Variants in ZSWIM8 observed in about 807,000 individuals in gnomAD.
ZSWIM8 encodes the protein zinc finger SWIM-type containing 8, also known as zinc finger SWIM domain-containing protein 8.
ZSWIM8 carries 27 observed loss-of-function variants against 173.7 expected under a neutral mutation model. That is an observed-to-expected ratio of 0.16 (90% confidence interval 0.11 to 0.21). ZSWIM8 has a LOEUF of 0.21. Ranked by LOEUF, ZSWIM8 falls within the 10% of genes least tolerant of loss-of-function variation. The pLI is 1.00. For synonymous variants in ZSWIM8, 958 were observed against 962.0 expected (o/e 1.00, Z 0.08); for missense variants, 1,627 against 2,428.8 (o/e 0.67, Z 6.94).
At chr10:73,793,460 T>G in intron 10 of ZSWIM8, 128 bp from the exon 11 acceptor site, 1 of 1,015,972 alleles carries the variant, frequency 9.8e-7, no homozygotes, top group East Asian at 2.6e-5. Flanking sequence ...TAACCAGAGC[T>G]CCTATGGAGC....
At chr10:73,799,942 G>C in intron 21 of ZSWIM8, 69 bp from the exon 22 acceptor site, 1 of 1,508,960 alleles carries the variant, frequency 6.6e-7, no homozygotes, top group Non-Finnish European at 9.1e-7. Flanking sequence ...AGCAGCTTGT[G>C]GGGGTGAAGC....
At chr10:73,794,852 C>T (rs2083559069) in intron 14 of ZSWIM8, 1 of 361,416 alleles carries the variant, frequency 2.8e-6, no homozygotes, top group Non-Finnish European at 5.1e-6. Context: ...CTTTGGGAGG[C>T]TGAAGCAGGA....
At position 73,791,763 on chromosome 10, in the gene ZSWIM8, A is replaced by T; in HGVS notation, c.1320-96A>T. The T allele has an allele frequency of 7.0e-7, 1 of 1,419,568 alleles. No individual in the cohort carries two copies. The highest frequency in any genetic ancestry group is 9.3e-7 in the Non-Finnish European group (1 of 1,074,090). The allele number at this position is 1,419,568 out of a possible 1,614,324, so 87.9% of individuals were successfully genotyped here. A position where few individuals can be genotyped will look rare whatever the true frequency, so the allele number is the denominator to read the frequency against. On this transcript the variant is annotated intron_variant, in intron 9 of 25. Transcript: ENST00000604729. This position sits in a 1 kb window ranked among gnomAD's most constrained non-coding sequence, Gnocchi z 6.0. ...GCTGGGTCAAGAAGTACTTTCCTGT[A>T]TCCTTTCCCCATGCCTCTCTTTGGG...
At chr10:73,793,298 C>T (rs536494937) in intron 10 of ZSWIM8, among the ~76,000 whole-genome samples, 1 of 152,310 alleles carries the variant, frequency 6.6e-6, no homozygotes, top group Non-Finnish European at 1.5e-5. Context: ...CCGTGTTTCT[C>T]CTTCAGGTCT....
chr10:73,800,436 C>G lies in ZSWIM8; in HGVS notation c.4966C>G (p.His1656Asp), dbSNP rs577770157. 1 of 1,613,918 alleles carries G rather than the reference C, an allele frequency of 6.2e-7. No homozygotes were observed. The highest frequency in any genetic ancestry group is 2.2e-5 in the East Asian group (1 of 44,880). Residue 1656 changes from histidine (H) to aspartate (D), a missense_variant, in exon 23 of 26, where the codon CAC becomes GAC. Transcript: ENST00000604729. This position sits in a 1 kb window ranked among gnomAD's most constrained non-coding sequence, Gnocchi z 4.1. ...EETHSQPVNP[H>D]SLHHLHAAYR... ...GACACACAGTCAGCCAGTCAATCCC[C>G]ACAGCCTGCACCACCTGCATGCTGC...
In ZSWIM8 at chr10:73,794,579, T is replaced by A. The variant is rs1466303404; in HGVS notation, c.2848T>A (p.Trp950Arg). The A allele has an allele frequency of 6.4e-7, 1 of 1,560,218 alleles. No homozygotes were observed. Among genetic ancestry groups the A allele is most frequent in the Non-Finnish European group, 8.7e-7 (1 of 1,151,308 alleles). The part of the protein sequence containing the change: ...PTGSRPPSRN[W>R]NSETPGDEEL... The stretch of plus-strand genomic sequence containing the variant: ...AGGTTCCCGGCCCCCAAGTCGCAAC[T>A]GGAACAGCGAGACACCTGGGGATGA... Residue 950 changes from tryptophan (W) to arginine (R), a missense_variant, in exon 14 of 26, where the codon TGG (tryptophan) becomes AGG (arginine). Physicochemically the swap from Trp to Arg is moderately radical, Grantham distance 101 (BLOSUM62 -3). Coordinates refer to ENST00000604729, the MANE Select transcript of ZSWIM8 (RefSeq NM_001367799.1).
rs750387920 is a variant in ZSWIM8 at position 73,800,953 on chromosome 10, G to C, written c.5123-64G>C. The C allele has an allele frequency of 1.8e-5, 27 of 1,463,930 alleles. No homozygotes were observed. Among genetic ancestry groups the C allele is most frequent in the Non-Finnish European group, 2.4e-5 (26 of 1,082,552 alleles). The allele number at this position is 1,463,930 out of a possible 1,614,324, so 90.7% of individuals were successfully genotyped here. On this transcript the variant is annotated intron_variant, in intron 24 of 25. Coordinates refer to ENST00000604729, the MANE Select transcript of ZSWIM8 (RefSeq NM_001367799.1). The surrounding 1 kb of genome is among the most constrained non-coding windows in gnomAD (Gnocchi z 4.1). ...CTCTGCCAGGCCAGAGCTGAGATCT[G>C]TAAGTTGGGTCCCTAGGGCAGAGGT...
chr10:73,800,279 G>A lies in ZSWIM8; in HGVS notation c.4826-17G>A, dbSNP rs757039536. The A allele has an allele frequency of 1.9e-6, 3 of 1,613,250 alleles. No homozygotes were observed. The East Asian group carries it at 6.7e-5, about 36-fold the overall frequency. On this transcript the variant is annotated splice_polypyrimidine_tract_variant and intron_variant, in intron 22 of 25. Transcript: ENST00000604729. This position sits in a 1 kb window ranked among gnomAD's most constrained non-coding sequence, Gnocchi z 4.1. ...CTTTGGGCTCTGAGTTCCTCACATGGCTCTCACCCCACTTAGTGAGCAGTG... is the reference window on the plus strand; with the variant it reads ...CTTTGGGCTCTGAGTTCCTCACATGACTCTCACCCCACTTAGTGAGCAGTG...
chr10:73,799,403 TCTCA>T lies in ZSWIM8; in HGVS notation c.4584_4587del (p.His1529GlnfsTer33). ...CCCACCTGCCCTGTAGCCCTCAGTA[TCTCA>T]CTCACCCAGCTCACCCTGCCCACCC... On this transcript the variant is annotated frameshift_variant, in exon 21 of 26. Coordinates refer to ENST00000604729, the MANE Select transcript of ZSWIM8 (RefSeq NM_001367799.1). LOFTEE classifies it high-confidence loss of function. The T allele has an allele frequency of 6.2e-7, 1 of 1,611,478 alleles. No homozygotes were observed. Among genetic ancestry groups the T allele is most frequent in the Non-Finnish European group, 8.5e-7 (1 of 1,178,946 alleles).
intron 1 of ZSWIM8, among the ~76,000 whole-genome samples, chr10:73,787,885 T>C (rs1214540721): frequency 2.6e-5 from 4 of 151,860 alleles, no homozygotes; most frequent in African/African-American, 4.8e-5. Flanking sequence ...AAAAATAAAA[T>C]AAAGGGGTTA....
At chr10:73,798,970 C>T (rs200299722) in intron 20 of ZSWIM8, 32 bp from the exon 21 acceptor site, 2 of 1,572,460 alleles carry the variant, frequency 1.3e-6, no homozygotes, top group East Asian at 2.2e-5. Flanking sequence ...AAAGGCCTTT[C>T]CCCCTTAACA....
chr10:73,790,248 A>G lies in ZSWIM8; in HGVS notation c.897A>G (p.Lys299=), dbSNP rs776884366. ...LDESTLTDNI[K]KTLHKFCGPS... ...AATCGACACTCACTGACAACATCAA[A>G]AAGACACTGCACAAGTTCTGTGGCC... Residue 299 remains lysine (K), a synonymous_variant, in exon 7 of 26, where the codon AAA becomes AAG. Transcript: ENST00000604729. 9.9e-6 allele frequency: 16 copies of G among 1,613,556 alleles called. No homozygotes were observed. In the Admixed American group the frequency reaches 2.7e-4, roughly 27 times the overall value.
intron 20 of ZSWIM8, 58 bp downstream of exon 20, chr10:73,798,511 C>T: frequency 6.7e-7 from 1 of 1,498,958 alleles, no homozygotes; most frequent in Non-Finnish European, 9.1e-7. Context: ...GGAGGTTGGG[C>T]ATGGGAAAGC....
rs925408877 is a variant in ZSWIM8, at chr10:73,792,974, G to A, written c.2313+122G>A. 102 of 1,209,178 alleles carry A rather than the reference G, an allele frequency of 8.4e-5. No homozygotes were observed. The highest frequency in any genetic ancestry group is 2.9e-4 in the Middle Eastern group (1 of 3,412). 74.9% of individuals were successfully genotyped at this position (1,209,178 alleles called of 1,614,324 possible). ...TTGTGAGAACCCTGTTGCAGGCGCCGAACTGGTCTCCCTGCTTTCAGTCTA... is the reference window on the plus strand; with the variant it reads ...TTGTGAGAACCCTGTTGCAGGCGCCAAACTGGTCTCCCTGCTTTCAGTCTA... On this transcript the variant is annotated intron_variant, in intron 10 of 25. Transcript: ENST00000604729. The surrounding 1 kb of genome is among the most constrained non-coding windows in gnomAD (Gnocchi z 4.3).
At position 73,792,694 on chromosome 10, in the gene ZSWIM8, G is replaced by A. The variant is rs755003728; in HGVS notation, c.2155G>A (p.Ala719Thr). 13 of 1,613,990 alleles carry A rather than the reference G, an allele frequency of 8.1e-6. No individual in the cohort carries two copies. In the South Asian group the frequency reaches 1.4e-4, roughly 18 times the overall value. ...TGGGCTTCCCAAAACCAAAGAGGCA[G>A]CCCCTGCAGTTGGAGAGGAGGATGA... ...GNGLPKTKEAAPAVGEEDDDY... is the reference protein window; with the variant it reads ...GNGLPKTKEATPAVGEEDDDY... Residue 719 changes from alanine (A) to threonine (T), a missense_variant, in exon 10 of 26, where the codon GCC becomes ACC. Physicochemically the swap from Ala to Thr is moderately conservative, Grantham distance 58. Around this residue, in one of 18 missense-constraint regions of ZSWIM8, gnomAD observed 383 missense variants for 394.8 expected, o/e 0.97. Transcript: ENST00000604729. The surrounding 1 kb of genome is among the most constrained non-coding windows in gnomAD (Gnocchi z 4.3).
chr10:73,787,195 C>T (rs1046991251), intron 1 of ZSWIM8, among the ~76,000 whole-genome samples: 7 of 152,168 alleles, frequency 4.6e-5, no homozygotes, highest in African/African-American at 1.2e-4. Flanking sequence ...CTGCGCGCCT[C>T]GGCCTCCCGA....
In ZSWIM8 at chr10:73,791,989, T is replaced by A; in HGVS notation, c.1450T>A (p.Phe484Ile). The change falls in exon 10 of 26, where the codon TTC becomes ATC. Residue 484 changes from phenylalanine (F) to isoleucine (I), a missense_variant. Coordinates refer to ENST00000604729, the MANE Select transcript of ZSWIM8 (RefSeq NM_001367799.1). The surrounding 1 kb of genome is among the most constrained non-coding windows in gnomAD (Gnocchi z 6.0). ...CCGGCCAGCGGTGGAGGCCTGCTAC[T>A]TCAACTGGGAAGAGGCCTACCCACT... ...GFRPAVEACYFNWEEAYPLPG... is the reference protein window; with the variant it reads ...GFRPAVEACYINWEEAYPLPG... 1 of 1,551,178 alleles carries A rather than the reference T, an allele frequency of 6.4e-7. No individual in the cohort carries two copies. The highest frequency in any genetic ancestry group is 1.2e-5 in the South Asian group (1 of 84,068).
At chr10:73,796,659 G>C (rs193173871) in intron 15 of ZSWIM8, 115 bp from the exon 16 acceptor site, 7 of 1,420,934 alleles carry the variant, frequency 4.9e-6, no homozygotes, top group Admixed American at 4.5e-5. Flanking sequence ...AGTGGGGAAG[G>C]CTCCCTGAGG....
intron 14 of ZSWIM8, 99 bp downstream of exon 14, chr10:73,794,738 C>G: frequency 9.0e-7 from 1 of 1,116,254 alleles, no homozygotes. Context: ...ATGGGAAGGT[C>G]AGGATGACAT....
Sources: gnomAD v4.1 joint callset for allele counts (sites outside exome capture counted in the v4.1 genomes callset) on GRCh38, gnomAD v4.1.1 for gene constraint, gnomAD v4.1.1 regional missense constraint, Gnocchi (gnomAD v3.1) non-coding constraint, MANE v1.5 for transcripts, NCBI Gene and HGNC (gene_info 2026-07-23, HGNC 2026-07-21) for gene names.